Variants in PCDH11X observed in about 807,000 individuals in gnomAD.
The protein encoded by PCDH11X is protocadherin-11 X-linked.
PCDH11X carries 18 observed loss-of-function variants against 53.3 expected under a neutral mutation model. The ratio of observed to expected loss-of-function variants is 0.34; its 90% CI spans 0.23 to 0.50. The LOEUF (loss-of-function observed/expected upper bound fraction) is 0.50. Ranked by LOEUF, PCDH11X falls within the 20% of genes least tolerant of loss-of-function variation. The probability of loss-of-function intolerance (pLI) is 0.98; values close to 1 mark genes in which losing one functional copy is unlikely to be tolerated. For synonymous variants in PCDH11X, 279 were observed against 393.3 expected (o/e 0.71, Z 3.44); for missense variants, 570 against 1,032.4 (o/e 0.55, Z 6.14).
At chrX:92,590,508 G>T (rs1302443970) in intron 10 of PCDH11X, among the ~76,000 whole-genome samples, 1 of 109,957 alleles carries the variant, frequency 9.1e-6, no homozygotes, top group Non-Finnish European at 1.9e-5. Context: ...CAGGGCTTGG[G>T]CCTAATTGCA....
intron 6 of PCDH11X, among the ~76,000 whole-genome samples, chrX:92,020,265 T>A (rs986199175): frequency 8.0e-5 from 9 of 112,064 alleles, no homozygotes; most frequent in Non-Finnish European, 1.7e-4. Flanking sequence ...GCAGCCAGCA[T>A]TGGGACTAAT....
At chrX:92,142,269 G>A (rs537955283) in intron 6 of PCDH11X, among the ~76,000 whole-genome samples, 1 of 108,642 alleles carries the variant, frequency 9.2e-6, no homozygotes, top group East Asian at 2.9e-4. Flanking sequence ...CAATTCTCCT[G>A]CCTCAGCCTC....
At chrX:91,978,805 CA>C (rs2062082895) in intron 6 of PCDH11X, among the ~76,000 whole-genome samples, 1 of 112,483 alleles carries the variant, frequency 8.9e-6, no homozygotes, top group African/African-American at 3.2e-5. Flanking sequence ...CTAGACATCG[CA>C]GTTTGGTTTG....
chrX:92,128,979 G>T (rs2064922530), intron 6 of PCDH11X, among the ~76,000 whole-genome samples: 1 of 107,334 alleles, frequency 9.3e-6, no homozygotes. Flanking sequence ...TATATATCAA[G>T]AAAATAAATA....
At chrX:92,088,780 G>C (rs1362677140) in intron 6 of PCDH11X, among the ~76,000 whole-genome samples, 5 of 111,413 alleles carry the variant, frequency 4.5e-5, no homozygotes, top group African/African-American at 1.3e-4. Flanking sequence ...TACTGCCTTA[G>C]AAAAATTTAT....
intron 6 of PCDH11X, among the ~76,000 whole-genome samples, chrX:91,920,448 G>A (rs2524621): frequency 0.23 from 24,172 of 105,721 alleles, 2,651 homozygotes; most frequent in African/African-American, 0.31. Context: ...AAGGAAATGA[G>A]GCTTTAAAAA....
chrX:92,468,238 A>C, intron 9 of PCDH11X, 61 bp from the exon 10 acceptor site: 1 of 974,299 alleles, frequency 1.0e-6, no homozygotes, highest in Non-Finnish European at 1.4e-6. Flanking sequence ...ATGCTAATAT[A>C]ATGTTGTAGA....
chrX:92,053,602 G>T, intron 6 of PCDH11X, among the ~76,000 whole-genome samples: 1 of 100,363 alleles, frequency 1.0e-5, no homozygotes, highest in African/African-American at 3.7e-5. Context: ...AGACAGTCTT[G>T]CTCTGTCACC....
chrX:92,488,796 A>G (rs1461450674), intron 10 of PCDH11X, among the ~76,000 whole-genome samples: 1 of 86,567 alleles, frequency 1.2e-5, no homozygotes, highest in Non-Finnish European at 2.2e-5. Flanking sequence ...GGGAATTTCA[A>G]TTGTTTCAAA....
intron 6 of PCDH11X, among the ~76,000 whole-genome samples, chrX:91,943,017 C>T (rs996718138): frequency 3.1e-5 from 3 of 95,607 alleles, no homozygotes; most frequent in African/African-American, 7.7e-5. Flanking sequence ...GAAAATGCTA[C>T]TTACTGTATG....
At chrX:91,859,960 C>G (rs1938568968) in intron 5 of PCDH11X, among the ~76,000 whole-genome samples, 1 of 110,656 alleles carries the variant, frequency 9.0e-6, no homozygotes. Context: ...TTTTTTGATT[C>G]TATATGAATT....
intron 8 of PCDH11X, among the ~76,000 whole-genome samples, chrX:92,370,199 T>C (rs1018825529): frequency 9.0e-6 from 1 of 111,119 alleles, no homozygotes; most frequent in Non-Finnish European, 1.9e-5. Context: ...TTGTTTAATT[T>C]CCACATATTT....
At chrX:92,177,727 T>G (rs1289642862) in intron 6 of PCDH11X, among the ~76,000 whole-genome samples, 6 of 111,493 alleles carry the variant, frequency 5.4e-5, no homozygotes, top group Non-Finnish European at 9.4e-5. Flanking sequence ...AACCAACTTT[T>G]TGGTACATGT....
At chrX:92,134,465 C>T (rs1208899331) in intron 6 of PCDH11X, among the ~76,000 whole-genome samples, 1 of 110,274 alleles carries the variant, frequency 9.1e-6, no homozygotes, top group Non-Finnish European at 1.9e-5. Context: ...TTTGACAATA[C>T]GTTTTACAAA....
intron 10 of PCDH11X, among the ~76,000 whole-genome samples, chrX:92,479,433 T>C (rs1009701065): frequency 9.3e-6 from 1 of 107,662 alleles, no homozygotes; most frequent in African/African-American, 3.4e-5. Flanking sequence ...CAGACTTGTC[T>C]GTGTGGTTCT....
intron 10 of PCDH11X, among the ~76,000 whole-genome samples, chrX:92,484,444 T>C (rs1236049006): frequency 9.5e-6 from 1 of 104,815 alleles, no homozygotes; most frequent in Non-Finnish European, 1.9e-5. Context: ...TTTCACCACA[T>C]CCATGCCAAC....
intron 1 of PCDH11X, among the ~76,000 whole-genome samples, chrX:91,790,732 C>T (rs905842641): frequency 2.7e-5 from 3 of 110,913 alleles, no homozygotes; most frequent in Non-Finnish European, 5.7e-5. Context: ...CTAAGTGAAA[C>T]TTTCATTCAT....
At chrX:92,189,698 C>CT (rs2066159896) in intron 6 of PCDH11X, among the ~76,000 whole-genome samples, 1 of 111,904 alleles carries the variant, frequency 8.9e-6, no homozygotes, top group African/African-American at 3.2e-5. Context: ...AAAAGCATTC[C>CT]TTTTTCTGTG....
At chrX:92,185,380 A>C (rs910917438) in intron 6 of PCDH11X, among the ~76,000 whole-genome samples, 1 of 111,969 alleles carries the variant, frequency 8.9e-6, no homozygotes. Context: ...TCAATACTTA[A>C]ATGTCGGACC....
Sources: gnomAD v4.1 joint callset for allele counts (sites outside exome capture counted in the v4.1 genomes callset) on GRCh38, gnomAD v4.1.1 for gene constraint, MANE v1.5 for transcripts, NCBI Gene and HGNC (gene_info 2026-07-23, HGNC 2026-07-21) for gene names.